Variants in ZNF75D observed in about 807,000 individuals in gnomAD.
ZNF75D encodes zinc finger protein 75.
Under a neutral mutation model 33.3 loss-of-function variants are expected in ZNF75D, and 33 were observed. That is an observed-to-expected ratio of 0.99 (90% CI 0.75 to 1.32). The LOEUF is 1.32. Ranked by LOEUF, ZNF75D falls within the 40% of genes most tolerant of loss-of-function variation. The pLI is 0.00. For synonymous variants in ZNF75D, 113 were observed against 130.6 expected, an observed-to-expected ratio of 0.87 and a Z score of 0.92; for missense variants, 338 against 367.5, an observed-to-expected ratio of 0.92 and a Z score of 0.66.
chrX:135,277,204 C>A lies in ZNF75D; in HGVS notation n.828-21427G>T, dbSNP rs141740388. ...CCATTCTAACTTGTGTGAGATATCT[C>A]ATGGTGGTTTTGATTTGCATTTCTC... On this transcript the variant is annotated intron_variant and non_coding_transcript_variant, in intron 1 of 3. Coordinates refer to the ZNF75D transcript ENST00000494295. 7.2e-4 allele frequency among the ~76,000 whole-genome samples: 81 copies of A among 112,247 alleles called. 2 individuals are homozygous for A. In the East Asian group the frequency reaches 0.021, roughly 28 times the overall value.
At chrX:135,282,509 G>A (rs1556418688), downstream of ZNF75D, among the ~76,000 whole-genome samples, 1 of 111,394 alleles carries the variant, frequency 9.0e-6, no homozygotes, top group Admixed American at 9.5e-5. Context: ...GTTCTGTCTT[G>A]CTGGTTCTCC....
chrX:135,337,885 A>G (rs1304997264), intron 1 of ZNF75D, among the ~76,000 whole-genome samples: 1 of 110,969 alleles, frequency 9.0e-6, no homozygotes, highest in African/African-American at 3.3e-5. Flanking sequence ...CAAGAAGGAG[A>G]GGGAGCAAGG....
In ZNF75D at chrX:135,274,646, G is replaced by C; in HGVS notation, n.828-18869C>G. Among the ~76,000 whole-genome samples the C allele has an allele frequency of 1.8e-5, 2 of 112,218 alleles. 1 individual carries two copies. The highest frequency in any genetic ancestry group is 3.8e-5 in the Non-Finnish European group (2 of 53,243). On this transcript the variant is annotated intron_variant and non_coding_transcript_variant, in intron 1 of 3. Transcript: ENST00000494295. ...AGGAAATAGCTAACTTTAAAAGATA[G>C]TGTCTAATATCTCAGTATACAGAAG...
At chrX:135,284,693 G>T (rs1258610139), downstream of ZNF75D, among the ~76,000 whole-genome samples, 9 of 111,863 alleles carry the variant, frequency 8.0e-5, no homozygotes, top group Admixed American at 8.5e-4. Context: ...CATGTTCCCT[G>T]CTCTCAAACC....
Position 135,294,171 on chromosome X carries a change from T to G in ZNF75D, c.-31A>C. On this transcript the variant is annotated 5_prime_UTR_variant, in exon 3 of 7. Coordinates refer to ENST00000370766, the MANE Select transcript of ZNF75D (RefSeq NM_007131.5). ...CTAGGAACAGTTTTACTCTTGTATG[T>G]GACACTGACACCCACCTGGTACCAC... The G allele has an allele frequency of 8.9e-7, 1 of 1,123,453 alleles. No individual in the cohort carries two copies. The highest frequency in any genetic ancestry group is 2.1e-5 in the South Asian group (1 of 46,953). 92.6% of individuals were successfully genotyped at this position (1,123,453 alleles called of 1,213,427 possible).
chrX:135,322,411 C>T (rs2084508097), intron 1 of ZNF75D, among the ~76,000 whole-genome samples: 1 of 111,748 alleles, frequency 8.9e-6, no homozygotes, highest in African/African-American at 3.3e-5. Context: ...GGAAATATGC[C>T]ATGAAGTGCC....
chrX:135,266,712 A>G (rs2083864282), intron 1 of ZNF75D, among the ~76,000 whole-genome samples: 2 of 112,222 alleles, frequency 1.8e-5, no homozygotes, highest in African/African-American at 6.5e-5. Context: ...TCAGCATTAG[A>G]CAGATCTCCC....
intron 1 of ZNF75D, chrX:135,297,859 A>T (rs1334297582): frequency 8.9e-6 from 1 of 112,152 alleles, no homozygotes; most frequent in Non-Finnish European, 1.9e-5. Context: ...TGGTCTGGAA[A>T]CTGGAAGTCT....
chrX:135,278,475 T>G (rs1452153166), intron 1 of ZNF75D, among the ~76,000 whole-genome samples: 1 of 111,793 alleles, frequency 8.9e-6, no homozygotes, highest in Non-Finnish European at 1.9e-5. Flanking sequence ...TGAATACCCT[T>G]TATTTCTTTC....
intron 1 of ZNF75D, among the ~76,000 whole-genome samples, chrX:135,322,680 G>A (rs1344792340): frequency 2.7e-5 from 3 of 112,010 alleles, no homozygotes; most frequent in African/African-American, 6.5e-5. Flanking sequence ...GGTAGTGTGC[G>A]CAGGGTCTAT....
chrX:135,307,313 C>T lies in ZNF75D; in HGVS notation c.-390-11274G>A, dbSNP rs782071967. Among the ~76,000 whole-genome samples the T allele has an allele frequency of 1.3e-4, 15 of 111,131 alleles. No individual in the cohort carries two copies. In the South Asian group the frequency reaches 5.0e-3, roughly 37 times the overall value. ...AAGAAAGGGAGTGTGTGACCTGGGT[C>T]GCTTTACAGGAACCTCAATTTCCTC... On this transcript the variant is annotated intron_variant, in intron 1 of 6. Coordinates refer to ENST00000370766, the MANE Select transcript of ZNF75D (RefSeq NM_007131.5).
At chrX:135,341,101 A>G (rs1407812847) in intron 1 of ZNF75D, among the ~76,000 whole-genome samples, 2 of 111,661 alleles carry the variant, frequency 1.8e-5, no homozygotes, top group African/African-American at 3.3e-5. Context: ...CTTCCTTGAT[A>G]TATATAAGTG....
At position 135,287,615 on chromosome X, in the gene ZNF75D, A is replaced by G. The variant is rs782191069; in HGVS notation, c.1055T>C (p.Met352Thr). The G allele has an allele frequency of 1.2e-5, 15 of 1,210,697 alleles. No individual in the cohort carries two copies. Among genetic ancestry groups the G allele is most frequent in the Non-Finnish European group, 1.7e-5 (15 of 895,286 alleles). ...ATCKQELPKL[M>T]DLHGKGPTGE... ...TGTGGGGCCTTTCCCATGAAGATCC[A>G]TAAGTTTTGGAAGCTCTTGTTTACA... is the stretch of plus-strand genomic sequence containing the variant. Residue 352 changes from methionine (M) to threonine (T), a missense_variant, in exon 7 of 7, where the codon ATG (methionine) becomes ACG (threonine). Coordinates refer to ENST00000370766, the MANE Select transcript of ZNF75D (RefSeq NM_007131.5).
chrX:135,265,340 T>A (rs1045022087), intron 1 of ZNF75D, among the ~76,000 whole-genome samples: 10 of 110,923 alleles, frequency 9.0e-5, no homozygotes, highest in Admixed American at 8.6e-4. Context: ...AATGTCAACA[T>A]CCAAGTACAA....
At chrX:135,314,776 A>G (rs1314978806) in intron 1 of ZNF75D, among the ~76,000 whole-genome samples, 1 of 112,038 alleles carries the variant, frequency 8.9e-6, no homozygotes, top group Non-Finnish European at 1.9e-5. Flanking sequence ...AGGTGTTCAT[A>G]ATACTATGAT....
intron 1 of ZNF75D, among the ~76,000 whole-genome samples, chrX:135,317,539 G>A (rs2084435855): frequency 9.0e-6 from 1 of 111,188 alleles, no homozygotes; most frequent in Admixed American, 9.5e-5. Context: ...GTGTGGTGAG[G>A]GTGATGGCAG....
At chrX:135,293,556 A>G (rs1179350694) in intron 3 of ZNF75D, among the ~76,000 whole-genome samples, 174 bp downstream of exon 3, 1 of 112,535 alleles carries the variant, frequency 8.9e-6, no homozygotes, top group Non-Finnish European at 1.9e-5. Flanking sequence ...TCTGCCAGAA[A>G]TCTTGAAACC....
intron 3 of ZNF75D, 75 bp downstream of exon 3, chrX:135,293,655 T>A: frequency 1.0e-6 from 1 of 1,004,220 alleles, no homozygotes; most frequent in Non-Finnish European, 1.3e-6. Flanking sequence ...TGTCTAATTC[T>A]CTGATAACTC....
chrX:135,266,804 C>T (rs1230406303), intron 1 of ZNF75D, among the ~76,000 whole-genome samples: 1 of 111,961 alleles, frequency 8.9e-6, no homozygotes, highest in African/African-American at 3.2e-5. Flanking sequence ...CAGAACATTT[C>T]ATCCAATGGC....
Sources: gnomAD v4.1 joint callset for allele counts (sites outside exome capture counted in the v4.1 genomes callset) on GRCh38, gnomAD v4.1.1 for gene constraint, MANE v1.5 for transcripts, NCBI Gene and HGNC (gene_info 2026-07-23, HGNC 2026-07-21) for gene names.